The following DCC variants were observed in gnomAD, a reference collection of about 807,000 sequenced individuals.
DCC encodes DCC netrin 1 receptor, also known as netrin receptor DCC.
In DCC, 58 loss-of-function variants were observed where a neutral mutation model predicts 172.5. The ratio of observed to expected loss-of-function variants is 0.34; its 90% CI spans 0.27 to 0.42. The LOEUF (loss-of-function observed/expected upper bound fraction) is 0.42, where lower values mean the gene tolerates loss of function less well. Ranked by LOEUF, DCC falls within the 10% of genes least tolerant of loss-of-function variation. The pLI is 1.00. For missense variants in DCC, 1,740 were observed against 1,791.0 expected, an observed-to-expected ratio of 0.97 and a Z score of 0.51; for synonymous variants, 709 against 644.5, an observed-to-expected ratio of 1.10 and a Z score of -1.52.
chr18:53,285,081 T>G (rs2056920548), intron 12 of DCC, among the ~76,000 whole-genome samples: 1 of 152,122 alleles, frequency 6.6e-6, no homozygotes, highest in East Asian at 1.9e-4. Flanking sequence ...GATAAAAGTC[T>G]GGAAAATTTG....
At chr18:53,134,601 G>T (rs1426425535) in intron 7 of DCC, among the ~76,000 whole-genome samples, 1 of 152,140 alleles carries the variant, frequency 6.6e-6, no homozygotes, top group Non-Finnish European at 1.5e-5. Context: ...TACCTAGCCA[G>T]TTGGTAGGTC....
intron 12 of DCC, among the ~76,000 whole-genome samples, chr18:53,253,569 T>A (rs2056468014): frequency 6.6e-6 from 1 of 152,056 alleles, no homozygotes; most frequent in Admixed American, 6.6e-5. Flanking sequence ...ATTATAACAA[T>A]ACTCTTTATT....
At chr18:52,493,155 G>C (rs1773328021) in intron 1 of DCC, among the ~76,000 whole-genome samples, 1 of 152,062 alleles carries the variant, frequency 6.6e-6, no homozygotes, top group African/African-American at 2.4e-5. Flanking sequence ...ATCCTGATGG[G>C]TGTTTGGAGA....
At chr18:53,099,431 T>C (rs952151968) in intron 7 of DCC, among the ~76,000 whole-genome samples, 2 of 152,158 alleles carry the variant, frequency 1.3e-5, no homozygotes, top group African/African-American at 4.8e-5. Flanking sequence ...TTTCCTGAAA[T>C]ACTTTACCCA....
intron 5 of DCC, among the ~76,000 whole-genome samples, chr18:52,962,771 A>G (rs1447948903): frequency 2.6e-5 from 4 of 152,078 alleles, no homozygotes; most frequent in South Asian, 4.1e-4. Context: ...AATACTATGC[A>G]GCCATAAAAA....
chr18:53,480,769 T>C (rs1254977031), intron 25 of DCC: 2 of 152,182 alleles, frequency 1.3e-5, no homozygotes, highest in Non-Finnish European at 2.9e-5. Flanking sequence ...AAACAGAGCG[T>C]GAATAATTTG....
At chr18:53,296,708 A>G (rs573950592) in intron 12 of DCC, among the ~76,000 whole-genome samples, 30 of 152,326 alleles carry the variant, frequency 2.0e-4, no homozygotes, top group South Asian at 6.2e-4. Context: ...TGATGGGCAC[A>G]CTTTAATGAA....
chr18:53,309,455 C>T (rs1315163394), intron 13 of DCC, among the ~76,000 whole-genome samples: 1 of 152,196 alleles, frequency 6.6e-6, no homozygotes, highest in Non-Finnish European at 1.5e-5. Context: ...AATAAGGTCA[C>T]ATGCTGATCC....
chr18:52,776,637 C>T (rs1248400309), intron 2 of DCC, among the ~76,000 whole-genome samples: 4 of 151,738 alleles, frequency 2.6e-5, no homozygotes, highest in Admixed American at 1.3e-4. Context: ...TGGGGATGGG[C>T]GGGGAAAGCT....
chr18:53,155,737 T>C (rs1268868425), intron 7 of DCC, among the ~76,000 whole-genome samples: 1 of 152,244 alleles, frequency 6.6e-6, no homozygotes, highest in South Asian at 2.1e-4. Flanking sequence ...TCAAATTGTT[T>C]CCAAACAGGC....
intron 5 of DCC, among the ~76,000 whole-genome samples, chr18:53,005,962 G>A (rs2041638819): frequency 6.6e-6 from 1 of 152,140 alleles, no homozygotes; most frequent in South Asian, 2.1e-4. Flanking sequence ...CCTATAGTAT[G>A]TTCTATGTTG....
At chr18:52,378,218 A>G (rs766125286) in intron 1 of DCC, among the ~76,000 whole-genome samples, 1 of 152,060 alleles carries the variant, frequency 6.6e-6, no homozygotes, top group Non-Finnish European at 1.5e-5. Flanking sequence ...ACTTATTTTC[A>G]TAATTATCCC....
chr18:53,264,476 C>G (rs1222158013), intron 12 of DCC, among the ~76,000 whole-genome samples: 1 of 46,286 alleles, frequency 2.2e-5, no homozygotes, highest in Non-Finnish European at 4.9e-5. Context: ...AACTCCGTCT[C>G]AAAAAAAAAA....
intron 2 of DCC, among the ~76,000 whole-genome samples, chr18:52,849,740 A>G (rs1330816408): frequency 6.6e-6 from 1 of 152,222 alleles, no homozygotes; most frequent in Non-Finnish European, 1.5e-5. Context: ...AAAATCTAGC[A>G]TACAATTTCA....
chr18:52,998,290 A>G (rs185859362), intron 5 of DCC, among the ~76,000 whole-genome samples: 1 of 152,112 alleles, frequency 6.6e-6, no homozygotes, highest in Non-Finnish European at 1.5e-5. Context: ...TGATCTCTCC[A>G]TCCTCATCAT....
At chr18:52,980,235 T>C (rs2041187475) in intron 5 of DCC, among the ~76,000 whole-genome samples, 1 of 152,212 alleles carries the variant, frequency 6.6e-6, no homozygotes, top group African/African-American at 2.4e-5. Flanking sequence ...TCCAGCTGCC[T>C]GCAGCAGGAG....
intron 1 of DCC, among the ~76,000 whole-genome samples, chr18:52,586,704 T>C (rs1052559749): frequency 1.3e-5 from 2 of 152,156 alleles, no homozygotes; most frequent in Admixed American, 6.5e-5. Flanking sequence ...CGACCCTGAA[T>C]TCTGGCTATG....
intron 27 of DCC, among the ~76,000 whole-genome samples, chr18:53,507,569 C>CTTAT (rs1555680685): frequency 6.6e-6 from 1 of 152,098 alleles, no homozygotes; most frequent in Non-Finnish European, 1.5e-5. Flanking sequence ...CCAGGATCTC[C>CTTAT]TTATTTACCG....
At chr18:52,816,852 G>T (rs2038309597) in intron 2 of DCC, 2 of 152,032 alleles carry the variant, frequency 1.3e-5, no homozygotes, top group African/African-American at 2.4e-5. Context: ...AAAATGAAAA[G>T]ATTTTATTTA....
Sources: allele counts gnomAD v4.1 joint callset (sites outside exome capture counted in the v4.1 genomes callset), GRCh38; gene constraint gnomAD v4.1.1; transcripts MANE v1.5; gene names NCBI Gene and HGNC (gene_info 2026-07-23, HGNC 2026-07-21).